HIRA: variants seen among roughly 807,000 people sequenced by gnomAD.
HIRA encodes histone cell cycle regulator.
A neutral mutation model predicts 126.6 loss-of-function variants in HIRA; 13 were observed. The observed-to-expected ratio is 0.10, with a 90% confidence interval of 0.07 to 0.16. HIRA has a LOEUF of 0.16. HIRA is among the 10% of genes least tolerant of loss of function. HIRA has a pLI of 1.00. For synonymous variants in HIRA, 511 were observed against 520.0 expected, an observed-to-expected ratio of 0.98 and a Z score of 0.24; for missense variants, 834 against 1,314.4, an observed-to-expected ratio of 0.63 and a Z score of 5.65.
At chr22:19,376,192 G>A (rs897096789) in intron 14 of HIRA, among the ~76,000 whole-genome samples, 4 of 152,108 alleles carry the variant, frequency 2.6e-5, no homozygotes, top group African/African-American at 9.7e-5. Flanking sequence ...AGATAAGCCT[G>A]CACCTGGGGT....
intron 10 of HIRA, 120 bp from the exon 11 acceptor site, chr22:19,387,936 TC>T: frequency 3.2e-5 from 3 of 92,952 alleles, no homozygotes; most frequent in Non-Finnish European, 8.0e-5. Context: ...AACTCCTGGT[TC>T]CCTTCTGTGG....
chr22:19,358,216 T>A (rs1175947896), intron 18 of HIRA, among the ~76,000 whole-genome samples: 1 of 152,212 alleles, frequency 6.6e-6, no homozygotes, highest in Non-Finnish European at 1.5e-5. Context: ...GCCAGGCTGG[T>A]ACTGTGACTG....
rs1471563880 is a variant in HIRA at position 19,351,261 on chromosome 22, C to T, written c.2937+97G>A. On this transcript the variant is annotated intron_variant, in intron 24 of 24. Coordinates refer to ENST00000263208, the MANE Select transcript of HIRA (RefSeq NM_003325.4). The surrounding 1 kb of genome is among the most constrained non-coding windows in gnomAD (Gnocchi z 4.8). ...GAGGCTGGGTGCTGGAGAAGTCTAACGGGACACAATTTCAAAGCACTTTGG... is the reference window on the plus strand; with the variant it reads ...GAGGCTGGGTGCTGGAGAAGTCTAATGGGACACAATTTCAAAGCACTTTGG... 13 of 1,499,472 alleles carry T rather than the reference C, an allele frequency of 8.7e-6. No individual in the cohort carries two copies. The highest frequency in any genetic ancestry group is 2.4e-5 in the East Asian group (1 of 42,286). 92.9% of individuals were successfully genotyped at this position (1,499,472 alleles called of 1,614,324 possible). A position where few individuals can be genotyped will look rare whatever the true frequency, so the allele number is the denominator to read the frequency against.
chr22:19,369,386 T>C (rs939905861), intron 15 of HIRA, among the ~76,000 whole-genome samples: 1 of 152,146 alleles, frequency 6.6e-6, no homozygotes, highest in African/African-American at 2.4e-5. Context: ...CAGCAGGAGC[T>C]GACATGTGCT....
At chr22:19,346,918 C>G (rs1235542410) in intron 24 of HIRA, among the ~76,000 whole-genome samples, 1 of 152,160 alleles carries the variant, frequency 6.6e-6, no homozygotes, top group Non-Finnish European at 1.5e-5. Flanking sequence ...TAAGAATAAT[C>G]AGCAGGAAGG....
chr22:19,428,673 G>C (rs1423970324), intron 1 of HIRA, among the ~76,000 whole-genome samples: 1 of 152,176 alleles, frequency 6.6e-6, no homozygotes, highest in African/African-American at 2.4e-5. Flanking sequence ...CATGCTGGGT[G>C]CAGTGGCTCA....
At chr22:19,368,770 T>C (rs1363954513) in intron 15 of HIRA, among the ~76,000 whole-genome samples, 1 of 152,148 alleles carries the variant, frequency 6.6e-6, no homozygotes, top group Non-Finnish European at 1.5e-5. Flanking sequence ...CCAACTATCA[T>C]CTAAGTTTCT....
At chr22:19,423,844 C>T (rs2089468601) in intron 1 of HIRA, among the ~76,000 whole-genome samples, 1 of 152,188 alleles carries the variant, frequency 6.6e-6, no homozygotes, top group Non-Finnish European at 1.5e-5. Context: ...TCATCCACTT[C>T]CTTTCCTAAA....
At chr22:19,431,159 C>G (rs1182611923) in intron 1 of HIRA, among the ~76,000 whole-genome samples, 1 of 152,236 alleles carries the variant, frequency 6.6e-6, no homozygotes, top group African/African-American at 2.4e-5. Flanking sequence ...CTCCTGGGAG[C>G]CAGGCCGCGG....
Position 19,431,429 on chromosome 22 carries a change from C to T in HIRA, c.37+11G>A. 1 of 1,608,506 alleles carries T rather than the reference C, an allele frequency of 6.2e-7. No individual in the cohort carries two copies. Among genetic ancestry groups the T allele is most frequent in the East Asian group, 2.2e-5 (1 of 44,746 alleles). On this transcript the variant is annotated intron_variant, in intron 1 of 24. Coordinates refer to ENST00000263208, the MANE Select transcript of HIRA (RefSeq NM_003325.4). Reference sequence around the variant, plus strand: ...CGGGCTCGGCCTCCCGCGACCCCTGCGCGCACTCACCATTGTGGTTGACCC... The same window carrying T: ...CGGGCTCGGCCTCCCGCGACCCCTGTGCGCACTCACCATTGTGGTTGACCC...
intron 1 of HIRA, among the ~76,000 whole-genome samples, chr22:19,421,229 G>A (rs2089443456): frequency 6.6e-6 from 1 of 151,580 alleles, no homozygotes; most frequent in Non-Finnish European, 1.5e-5. Flanking sequence ...AACCCTGGAG[G>A]CAGAGATTGC....
chr22:19,382,284 C>G (rs551401055), intron 13 of HIRA, among the ~76,000 whole-genome samples: 61 of 152,224 alleles, frequency 4.0e-4, no homozygotes, highest in African/African-American at 1.3e-3. Flanking sequence ...CACCAGGTAA[C>G]GCCTGGAAGG....
chr22:19,359,038 C>A (rs896804771), intron 18 of HIRA, among the ~76,000 whole-genome samples: 3 of 152,174 alleles, frequency 2.0e-5, no homozygotes, highest in Non-Finnish European at 4.4e-5. Context: ...GAATTCGAGA[C>A]TTTGGGGATC....
chr22:19,409,912 C>G (rs746131026), intron 2 of HIRA, among the ~76,000 whole-genome samples: 5 of 152,174 alleles, frequency 3.3e-5, no homozygotes, highest in Non-Finnish European at 7.3e-5. Flanking sequence ...CCACAGCTTC[C>G]CTACACTCCC....
At chr22:19,431,297 T>TCCG in intron 1 of HIRA, 143 bp downstream of exon 1, 1 of 920,784 alleles carries the variant, frequency 1.1e-6, no homozygotes, top group Non-Finnish European at 1.7e-6. Context: ...GAGGACAAAG[T>TCCG]CCGCTCCCGC....
In HIRA at chr22:19,361,249, T is replaced by A. The variant is rs767433349; in HGVS notation, c.2073A>T (p.Ala691=). 7.2e-5 allele frequency: 117 copies of A among 1,613,926 alleles called. No homozygotes were observed. Among genetic ancestry groups the A allele is most frequent in the Admixed American group, 2.5e-4 (15 of 59,998 alleles). Reference sequence around the variant, plus strand: ...TCCTAGAACTTACCTGGAGGGTGAATGCTCTCTGGGGGCTTGGAATTGGCA... The same window carrying A: ...TCCTAGAACTTACCTGGAGGGTGAAAGCTCTCTGGGGGCTTGGAATTGGCA... ...LKLPIPSPQR[A]FTLQVSSDPS... The change falls in exon 17 of 25, where the codon GCA becomes GCT. Residue 691 remains alanine (A), a synonymous_variant. Transcript: ENST00000263208.
At chr22:19,407,151 A>C (rs1359543133) in intron 4 of HIRA, 33 bp downstream of exon 4, 1 of 1,562,222 alleles carries the variant, frequency 6.4e-7, no homozygotes, top group South Asian at 1.1e-5. Context: ...AGCTTCTAAA[A>C]ATAAAATGTG....
intron 24 of HIRA, among the ~76,000 whole-genome samples, chr22:19,338,110 A>G (rs886942835): frequency 6.6e-6 from 1 of 152,116 alleles, no homozygotes; most frequent in African/African-American, 2.4e-5. Flanking sequence ...TATCAGATTA[A>G]CAGCAGATTT....
Position 19,340,378 on chromosome 22 carries a change from A to G in HIRA, c.2938-8822T>C, listed in dbSNP as rs529030433. Among the ~76,000 whole-genome samples, 7 of 152,280 alleles carry G rather than the reference A, an allele frequency of 4.6e-5. No individual in the cohort carries two copies. In the South Asian group the frequency reaches 1.5e-3, roughly 32 times the overall value. On this transcript the variant is annotated intron_variant, in intron 24 of 24. Coordinates refer to ENST00000263208, the MANE Select transcript of HIRA (RefSeq NM_003325.4). ...TAGAATGGAAATACCTCAAGGTAAT[A>G]AAAGCCACTATGACAAACTCACAGT...
Sources: allele counts gnomAD v4.1 joint callset (sites outside exome capture counted in the v4.1 genomes callset), GRCh38; gene constraint gnomAD v4.1.1; non-coding constraint Gnocchi (gnomAD v3.1); transcripts MANE v1.5; gene names NCBI Gene and HGNC (gene_info 2026-07-23, HGNC 2026-07-21).